The following FRMD4B variants were observed in gnomAD, a reference collection of about 807,000 sequenced individuals.
FRMD4B encodes the protein FERM domain-containing protein 4B.
FRMD4B carries 74 observed loss-of-function variants against 141.5 expected under a neutral mutation model. The ratio of observed to expected loss-of-function variants is 0.52; its 90% CI spans 0.43 to 0.63. The LOEUF (loss-of-function observed/expected upper bound fraction) is 0.63. Among genes scored for constraint, FRMD4B ranks in the 30% least tolerant of loss-of-function variants. FRMD4B has a pLI of 0.00. For synonymous variants in FRMD4B, 506 were observed against 467.9 expected (o/e 1.08, Z -1.05); for missense variants, 1,366 against 1,253.4 (o/e 1.09, Z -1.36).
intron 2 of FRMD4B, among the ~76,000 whole-genome samples, chr3:69,397,902 A>C (rs1704498738): frequency 6.6e-6 from 1 of 152,212 alleles, no homozygotes; most frequent in South Asian, 2.1e-4. Flanking sequence ...CTGTTACCAA[A>C]AAAAGAGAGG....
At chr3:69,496,105 T>C (rs1253266609) in intron 1 of FRMD4B, among the ~76,000 whole-genome samples, 1 of 152,248 alleles carries the variant, frequency 6.6e-6, no homozygotes, top group Non-Finnish European at 1.5e-5. Flanking sequence ...TATCATCTAA[T>C]TAACCATTAT....
chr3:69,347,999 A>G (rs1346274292), intron 1 of FRMD4B, among the ~76,000 whole-genome samples: 1 of 152,220 alleles, frequency 6.6e-6, no homozygotes, highest in Non-Finnish European at 1.5e-5. Context: ...GAACTGAAGG[A>G]GATAGAGACA....
rs1406180048 is a variant in FRMD4B, at chr3:69,268,325, G to T, written c.502-18226C>A. On this transcript the variant is annotated intron_variant, in intron 5 of 22. Transcript: ENST00000398540. The stretch of plus-strand genomic sequence containing the variant: ...CAGGCAGGCAGCCTAAATAGGTCAG[G>T]CTCTGCCAATAGGCATGGAGGTTCC... Among the ~76,000 whole-genome samples the T allele has an allele frequency of 3.9e-5, 6 of 152,128 alleles. No homozygotes were observed. The East Asian group carries it at 1.2e-3, about 29-fold the overall frequency.
At position 69,457,086 on chromosome 3, in the gene FRMD4B, T is replaced by C. The variant is rs548069981; in HGVS notation, c.-128-24325A>G. Among the ~76,000 whole-genome samples, 15 of 152,318 alleles carry C rather than the reference T, an allele frequency of 9.8e-5. 1 individual carries two copies. In the South Asian group the frequency reaches 1.9e-3, roughly 19 times the overall value. ...TTTAACAATGAACATGTATTACTTTTATAACCAGAAAAAGTTAAAGTTATT... is the reference window on the plus strand; with the variant it reads ...TTTAACAATGAACATGTATTACTTTCATAACCAGAAAAAGTTAAAGTTATT... On this transcript the variant is annotated intron_variant, in intron 1 of 5. Coordinates refer to the FRMD4B transcript ENST00000459638.
chr3:69,193,627 A>G, intron 17 of FRMD4B, 21 bp downstream of exon 17: 1 of 1,492,212 alleles, frequency 6.7e-7, no homozygotes, highest in South Asian at 1.2e-5. Context: ...CTCAAAAAAA[A>G]AAACCTTACT....
chr3:69,265,265 AAAAAATATATATATATATAT>A (rs2093553930), intron 5 of FRMD4B, among the ~76,000 whole-genome samples: 4 of 17,980 alleles, frequency 2.2e-4, no homozygotes, highest in South Asian at 5.2e-3. Flanking sequence ...AAAAAAAAAA[AAAAAATATATATATATATAT>A]ATATATATAT....
rs1350634069 is a variant in FRMD4B at position 69,245,355 on chromosome 3, T to TG, written c.581+3870_581+3871insC. On this transcript the variant is annotated intron_variant, in intron 7 of 22. Coordinates refer to ENST00000398540, the MANE Select transcript of FRMD4B (RefSeq NM_015123.3). ...TGTGTGTGTGTGTGTGTGTGTGTGTTTTTAGACAGAGTCTTGCTCTGTTGC... is the reference window on the plus strand; with the variant it reads ...TGTGTGTGTGTGTGTGTGTGTGTGTTGTTTAGACAGAGTCTTGCTCTGTTGC... 4.1e-3 allele frequency among the ~76,000 whole-genome samples: 610 copies of TG among 147,304 alleles called. 2 individuals are homozygous for TG. The highest frequency in any genetic ancestry group is 4.2e-3 in the Non-Finnish European group (278 of 66,418).
intron 1 of FRMD4B, among the ~76,000 whole-genome samples, chr3:69,341,533 C>T (rs1702738281): frequency 6.6e-6 from 1 of 152,188 alleles, no homozygotes; most frequent in African/African-American, 2.4e-5. Flanking sequence ...TAAATACCTT[C>T]CACAGAGCCC....
chr3:69,279,869 C>T (rs1380268870), intron 5 of FRMD4B, among the ~76,000 whole-genome samples: 2 of 151,730 alleles, frequency 1.3e-5, no homozygotes, highest in Non-Finnish European at 2.9e-5. Context: ...CCACAGAGCA[C>T]CTCATAAGCC....
At chr3:69,527,959 C>T (rs11924887) in intron 1 of FRMD4B, among the ~76,000 whole-genome samples, 36,696 of 152,082 alleles carry the variant, frequency 0.24, 4,535 homozygotes, top group African/African-American at 0.28. Flanking sequence ...AAAGGAATCA[C>T]AAATGCAGAC....
At chr3:69,486,364 G>A (rs542517974) in intron 1 of FRMD4B, among the ~76,000 whole-genome samples, 119 of 152,120 alleles carry the variant, frequency 7.8e-4, no homozygotes, top group Non-Finnish European at 1.5e-3. Flanking sequence ...TTTATCCCTC[G>A]CCCCTCTCCC....
intron 1 of FRMD4B, among the ~76,000 whole-genome samples, chr3:69,457,119 A>T (rs1005679400): frequency 6.6e-6 from 1 of 152,220 alleles, no homozygotes; most frequent in Non-Finnish European, 1.5e-5. Flanking sequence ...ATTTTTGCAA[A>T]AGAAAGACAT....
At chr3:69,473,044 G>T (rs891709740) in intron 1 of FRMD4B, among the ~76,000 whole-genome samples, 4 of 150,900 alleles carry the variant, frequency 2.7e-5, no homozygotes, top group African/African-American at 7.3e-5. Context: ...CCATATAGGG[G>T]GGTTATGCTC....
At chr3:69,423,635 G>C (rs746890438) in intron 2 of FRMD4B, among the ~76,000 whole-genome samples, 3 of 152,164 alleles carry the variant, frequency 2.0e-5, no homozygotes, top group Non-Finnish European at 4.4e-5. Context: ...CAGAATGATA[G>C]GAGATAGGGC....
At chr3:69,340,103 C>T (rs1279282104) in intron 1 of FRMD4B, among the ~76,000 whole-genome samples, 2 of 152,142 alleles carry the variant, frequency 1.3e-5, no homozygotes, top group African/African-American at 2.4e-5. Flanking sequence ...GGGGAAAGTG[C>T]CTGACTAACC....
At chr3:69,334,027 G>C (rs1014692903) in intron 1 of FRMD4B, 1 of 152,130 alleles carries the variant, frequency 6.6e-6, no homozygotes, top group African/African-American at 2.4e-5. Flanking sequence ...TCTCTAACAG[G>C]TCTCTCTACA....
At chr3:69,438,594 C>T (rs1403359426) in intron 1 of FRMD4B, among the ~76,000 whole-genome samples, 1 of 152,096 alleles carries the variant, frequency 6.6e-6, no homozygotes, top group Non-Finnish European at 1.5e-5. Context: ...ACTTGGAAGG[C>T]AGAGGATGCT....
rs766669164 is a variant in FRMD4B, at chr3:69,195,245, A to C, written c.1354T>G (p.Cys452Gly). 1.2e-6 allele frequency: 2 copies of C among 1,613,052 alleles called. No individual in the cohort carries two copies. The highest frequency in any genetic ancestry group is 3.3e-5 in the Admixed American group (2 of 59,752). ...LKKVEELKKI[C>G]LREAELTGKM... Reference sequence around the variant, plus strand: ...AGCAGACTCACAGCCTCCCGCAGACAGATCTTCTTAAGCTCCTCAACTTTT... The same window carrying C: ...AGCAGACTCACAGCCTCCCGCAGACCGATCTTCTTAAGCTCCTCAACTTTT... Residue 452 changes from cysteine (C) to glycine (G), a missense_variant, in exon 15 of 23, where the codon TGT becomes GGT. Transcript: ENST00000398540.
intron 7 of FRMD4B, among the ~76,000 whole-genome samples, chr3:69,243,166 G>C (rs919750139): frequency 1.3e-5 from 2 of 152,060 alleles, no homozygotes; most frequent in African/African-American, 4.8e-5. Context: ...TGGAAATTCA[G>C]ACTGTCATCT....
Sources: gnomAD v4.1 joint callset for allele counts (sites outside exome capture counted in the v4.1 genomes callset) on GRCh38, gnomAD v4.1.1 for gene constraint, MANE v1.5 for transcripts, NCBI Gene and HGNC (gene_info 2026-07-23, HGNC 2026-07-21) for gene names.